PPFIA2: variants seen among roughly 807,000 people sequenced by gnomAD.
The protein encoded by PPFIA2 is PPFI scaffold protein A2.
In PPFIA2, 46 loss-of-function variants were observed where a neutral mutation model predicts 175.5. The observed-to-expected ratio is 0.26, with a 90% CI of 0.21 to 0.34. PPFIA2 has a LOEUF of 0.34. Among genes scored for constraint, PPFIA2 ranks in the 10% least tolerant of loss-of-function variants. PPFIA2 has a pLI of 1.00. For synonymous variants in PPFIA2, 568 were observed against 511.4 expected, an observed-to-expected ratio of 1.11 and a Z score of -1.49; for missense variants, 1,179 against 1,506.1, an observed-to-expected ratio of 0.78 and a Z score of 3.60.
intron 22 of PPFIA2, among the ~76,000 whole-genome samples, chr12:81,305,911 G>A (rs1353256101): frequency 6.6e-6 from 1 of 152,166 alleles, no homozygotes; most frequent in Non-Finnish European, 1.5e-5. Context: ...GGAACAGTAT[G>A]TCTCCTCCTC....
chr12:81,464,472 T>G (rs1171840398), intron 4 of PPFIA2, among the ~76,000 whole-genome samples: 1 of 152,164 alleles, frequency 6.6e-6, no homozygotes, highest in Non-Finnish European at 1.5e-5. Context: ...GGTTTCACTC[T>G]TTTGTGCTGA....
At chr12:81,729,566 C>A (rs144522739) in intron 3 of PPFIA2, among the ~76,000 whole-genome samples, 7 of 151,646 alleles carry the variant, frequency 4.6e-5, no homozygotes, top group Non-Finnish European at 8.9e-5. Flanking sequence ...CCAAGGATAT[C>A]TACTCAGTAA....
At chr12:81,542,447 G>T (rs2066364897) in intron 4 of PPFIA2, among the ~76,000 whole-genome samples, 1 of 152,110 alleles carries the variant, frequency 6.6e-6, no homozygotes, top group Admixed American at 6.6e-5. Flanking sequence ...GCAGACACAG[G>T]AAACAAATAA....
chr12:81,519,991 G>T (rs151242671), intron 4 of PPFIA2, among the ~76,000 whole-genome samples: 2 of 152,192 alleles, frequency 1.3e-5, no homozygotes, highest in African/African-American at 4.8e-5. Flanking sequence ...TAAAAGTTAT[G>T]TGGATGTGGT....
intron 4 of PPFIA2, among the ~76,000 whole-genome samples, chr12:81,592,586 C>A (rs751463490): frequency 1.3e-5 from 2 of 152,046 alleles, no homozygotes; most frequent in African/African-American, 4.8e-5. Context: ...TGAGATCTGA[C>A]GGTTTTAAAA....
chr12:81,360,721 A>G (rs915422384), intron 15 of PPFIA2, among the ~76,000 whole-genome samples: 1 of 151,740 alleles, frequency 6.6e-6, no homozygotes, highest in Non-Finnish European at 1.5e-5. Context: ...CCTCAGAAGC[A>G]TGAATGTTCT....
At chr12:81,449,460 A>G (rs2051986421) in intron 5 of PPFIA2, among the ~76,000 whole-genome samples, 1 of 150,054 alleles carries the variant, frequency 6.7e-6, no homozygotes, top group Admixed American at 6.7e-5. Context: ...GCTTACAGTC[A>G]TGTTATGATA....
chr12:81,571,125 T>G (rs974745271), intron 4 of PPFIA2, among the ~76,000 whole-genome samples: 1 of 152,156 alleles, frequency 6.6e-6, no homozygotes, highest in South Asian at 2.1e-4. Flanking sequence ...CCAGCATTTA[T>G]AGAATCTAAT....
intron 4 of PPFIA2, among the ~76,000 whole-genome samples, chr12:81,538,658 G>A (rs1266208900): frequency 1.3e-5 from 2 of 151,804 alleles, no homozygotes; most frequent in Admixed American, 6.6e-5. Context: ...TTTTATTATA[G>A]AAAACAGCAA....
intron 8 of PPFIA2, among the ~76,000 whole-genome samples, chr12:81,399,727 T>C (rs539269160): frequency 2.0e-5 from 3 of 152,214 alleles, no homozygotes; most frequent in Middle Eastern, 6.8e-3. Context: ...ATAAACTCCA[T>C]TCAGTTTGGT....
intron 4 of PPFIA2, among the ~76,000 whole-genome samples, chr12:81,620,877 G>A (rs1485824222): frequency 1.3e-5 from 2 of 152,134 alleles, no homozygotes; most frequent in Non-Finnish European, 2.9e-5. Context: ...TCAATACACT[G>A]TTTAGACATT....
At chr12:81,353,723 T>C (rs1412955314) in intron 16 of PPFIA2, among the ~76,000 whole-genome samples, 1 of 152,208 alleles carries the variant, frequency 6.6e-6, no homozygotes, top group East Asian at 1.9e-4. Context: ...TTCCTATATT[T>C]TCTTATTATA....
In PPFIA2 at chr12:81,394,465, C is replaced by CA. The variant is rs143055422; in HGVS notation, c.763-10222dup. Among the ~76,000 whole-genome samples the CA allele has an allele frequency of 4.8e-3, 701 of 146,484 alleles. 16 individuals are homozygous for CA. The East Asian group carries it at 0.075, about 16-fold the overall frequency. Reference sequence around the variant, plus strand: ...CACTTCTGTCAGAGAATCATGCATACAAAAAAAAAATCAAGTTGTTTATCC... The same window carrying CA: ...CACTTCTGTCAGAGAATCATGCATACAAAAAAAAAAATCAAGTTGTTTATCC... On this transcript the variant is annotated intron_variant, in intron 8 of 32. Transcript: ENST00000549396.
intron 4 of PPFIA2, among the ~76,000 whole-genome samples, chr12:81,660,578 A>C (rs1369584629): frequency 1.3e-5 from 2 of 152,238 alleles, no homozygotes; most frequent in African/African-American, 4.8e-5. Context: ...CCATTGGTGT[A>C]CCTGAAAGTG....
chr12:81,314,003 A>C (rs2051662016), intron 22 of PPFIA2, among the ~76,000 whole-genome samples: 1 of 151,956 alleles, frequency 6.6e-6, no homozygotes, highest in African/African-American at 2.4e-5. Flanking sequence ...ACAAATTTCT[A>C]ATATTTTTGT....
At chr12:81,368,142 C>A (rs1206300592) in intron 13 of PPFIA2, 1 of 1,288,230 alleles carries the variant, frequency 7.8e-7, no homozygotes, top group East Asian at 5.6e-5. Flanking sequence ...GCTCTCATAA[C>A]TCTTGCTGGT....
intron 21 of PPFIA2, among the ~76,000 whole-genome samples, chr12:81,326,468 C>A (rs1244223388): frequency 6.6e-6 from 1 of 152,020 alleles, no homozygotes; most frequent in East Asian, 1.9e-4. Flanking sequence ...GTGTTCTGGG[C>A]AGGTTCTTGT....
chr12:81,484,561 A>T (rs575590975), intron 4 of PPFIA2, among the ~76,000 whole-genome samples: 1 of 152,162 alleles, frequency 6.6e-6, no homozygotes, highest in Admixed American at 6.6e-5. Context: ...TCTGTAATTT[A>T]AGTATACTCC....
chr12:81,584,579 A>G (rs1442382546), intron 4 of PPFIA2, among the ~76,000 whole-genome samples: 2 of 151,254 alleles, frequency 1.3e-5, no homozygotes, highest in Non-Finnish European at 2.9e-5. Context: ...TGTAAACATC[A>G]TGACACAATA....
Sources: allele counts gnomAD v4.1 joint callset (sites outside exome capture counted in the v4.1 genomes callset), GRCh38; gene constraint gnomAD v4.1.1; transcripts MANE v1.5; gene names NCBI Gene and HGNC (gene_info 2026-07-23, HGNC 2026-07-21).